MYO15A: variants seen among roughly 807,000 people sequenced by gnomAD.
MYO15A encodes unconventional myosin-XV.
In MYO15A, 308 loss-of-function variants were observed where a neutral mutation model predicts 394.6. That is an observed-to-expected ratio of 0.78 (90% confidence interval 0.71 to 0.86). The LOEUF (loss-of-function observed/expected upper bound fraction) is 0.86. Ranked by LOEUF, MYO15A falls within the 40% of genes least tolerant of loss-of-function variation. The pLI is 0.00. For synonymous variants in MYO15A, 1,957 were observed against 2,003.8 expected, an observed-to-expected ratio of 0.98 and a Z score of 0.62; for missense variants, 4,606 against 4,799.1, an observed-to-expected ratio of 0.96 and a Z score of 1.19.
intron 52 of MYO15A, 101 bp from the exon 53 acceptor site, chr17:18,158,824 G>T: frequency 2.7e-6 from 4 of 1,456,386 alleles, no homozygotes; most frequent in Non-Finnish European, 3.9e-6. Flanking sequence ...CTGATCAGTG[G>T]TGGGTCAAGA....
At chr17:18,165,727 G>A (rs945424541) in intron 60 of MYO15A, among the ~76,000 whole-genome samples, 3 of 152,252 alleles carry the variant, frequency 2.0e-5, no homozygotes, top group Admixed American at 2.0e-4. Flanking sequence ...CACAGAAGCT[G>A]TGACTTACAG....
At chr17:18,140,107 C>T (rs965639367) in intron 19 of MYO15A, among the ~76,000 whole-genome samples, 1 of 152,216 alleles carries the variant, frequency 6.6e-6, no homozygotes, top group Non-Finnish European at 1.5e-5. Context: ...AGCTACACTA[C>T]GGCCAGCAGA....
At chr17:18,133,503 T>C in intron 12 of MYO15A, 117 bp downstream of exon 12, 1 of 1,347,756 alleles carries the variant, frequency 7.4e-7, no homozygotes, top group Non-Finnish European at 9.9e-7. Flanking sequence ...TTGTTCCTGT[T>C]TTTTTCTTTT....
rs1458546718 is a variant in MYO15A at position 18,136,599 on chromosome 17, C to A, written c.4692C>A (p.Phe1564Leu). 2.5e-6 allele frequency: 4 copies of A among 1,614,014 alleles called. No homozygotes were observed. The highest frequency in any genetic ancestry group is 3.4e-6 in the Non-Finnish European group (4 of 1,180,036). The change falls in exon 15 of 66, where the codon TTC (phenylalanine) becomes TTA (leucine). Residue 1564 changes from phenylalanine (F) to leucine (L), a missense_variant. Phe to Leu is a conservative substitution (Grantham distance 22). Transcript: ENST00000647165. Reference protein sequence around the residue: ...AIAKVLYALLFSWLITRVNAL... With the variant: ...AIAKVLYALLLSWLITRVNAL... The stretch of plus-strand genomic sequence containing the variant: ...CCAAGGTCTTGTATGCACTGCTGTT[C>A]AGCTGGCTCATCACCAGGGTCAACG...
In MYO15A at chr17:18,121,140, G is replaced by A. The variant is rs1475216899; in HGVS notation, c.2340G>A (p.Leu780=). ...CGCTGGCCTCGCCCCAGCCCTCGCT[G>A]AGGAGCTCGCCGGGCCTCGGCTACT... ...WSPLASPQPS[L]RSSPGLGYCS... is the part of the protein sequence containing the mutation. Residue 780 remains leucine, a synonymous_variant, in exon 2 of 66, where the codon CTG becomes CTA. Coordinates refer to ENST00000647165, the MANE Select transcript of MYO15A (RefSeq NM_016239.4). The surrounding 1 kb of genome is among the most constrained non-coding windows in gnomAD (Gnocchi z 5.3). The A allele has an allele frequency of 2.0e-6, 3 of 1,510,668 alleles. No homozygotes were observed. In the African/African-American group the frequency reaches 4.3e-5, roughly 22 times the overall value. 93.6% of individuals were successfully genotyped at this position (1,510,668 alleles called of 1,614,324 possible). A position where few individuals can be genotyped will look rare whatever the true frequency, so the allele number is the denominator to read the frequency against.
chr17:18,134,364 A>T (rs924326485), intron 12 of MYO15A, among the ~76,000 whole-genome samples: 1 of 152,200 alleles, frequency 6.6e-6, no homozygotes, highest in African/African-American at 2.4e-5. Flanking sequence ...AGTACATTTA[A>T]ATTTTATATT....
chr17:18,176,603 C>T (rs2047018342), intron 65 of MYO15A: 1 of 128,504 alleles, frequency 7.8e-6, no homozygotes, highest in African/African-American at 3.0e-5. Flanking sequence ...CTGGAGTAAT[C>T]TCGGCTCACT....
At chr17:18,170,384 A>T (rs2046923125) in intron 62 of MYO15A, among the ~76,000 whole-genome samples, 1 of 151,110 alleles carries the variant, frequency 6.6e-6, no homozygotes, top group Non-Finnish European at 1.5e-5. Flanking sequence ...TTTGAGACAG[A>T]GTCTCTCTCT....
At position 18,150,822 on chromosome 17, in the gene MYO15A, C is replaced by A; in HGVS notation, c.7396-14C>A. On this transcript the variant is annotated splice_polypyrimidine_tract_variant and intron_variant, in intron 37 of 65. Coordinates refer to ENST00000647165, the MANE Select transcript of MYO15A (RefSeq NM_016239.4). The surrounding 1 kb of genome is among the most constrained non-coding windows in gnomAD (Gnocchi z 4.4). ...GAATGGACCTGCCTGGTCACCACTG[C>A]CACCTCTCCCCAGGCCCGGGAGATG... 6.3e-7 allele frequency: 1 copy of A among 1,589,606 alleles called. No individual in the cohort carries two copies. The highest frequency in any genetic ancestry group is 1.1e-5 in the South Asian group (1 of 87,778).
intron 56 of MYO15A, 106 bp from the exon 57 acceptor site, chr17:18,161,211 A>G: frequency 6.9e-7 from 1 of 1,444,772 alleles, no homozygotes; most frequent in Non-Finnish European, 9.5e-7. Context: ...CTCAGGGGAC[A>G]GGAGCTGCCT....
intron 56 of MYO15A, chr17:18,160,841 G>A (rs2046763627): frequency 3.0e-6 from 1 of 338,062 alleles, no homozygotes; most frequent in Admixed American, 4.0e-5. Context: ...ATGTGTGCAT[G>A]CTCTTGTTAC....
At position 18,149,475 on chromosome 17, in the gene MYO15A, T is replaced by C; in HGVS notation, c.7118-11T>C. On this transcript the variant is annotated splice_polypyrimidine_tract_variant and intron_variant, in intron 34 of 65. Coordinates refer to ENST00000647165, the MANE Select transcript of MYO15A (RefSeq NM_016239.4). ...AAAAAGAACTTGACATTTTTGTGCC[T>C]TCCCCTCCAGAGTCAGACAGTCTTG... The C allele has an allele frequency of 6.2e-7, 1 of 1,614,168 alleles. No individual in the cohort carries two copies. Among genetic ancestry groups the C allele is most frequent in the Non-Finnish European group, 8.5e-7 (1 of 1,180,008 alleles).
intron 40 of MYO15A, 40 bp from the exon 41 acceptor site, chr17:18,151,806 G>C: frequency 6.6e-7 from 1 of 1,525,412 alleles, no homozygotes; most frequent in East Asian, 2.4e-5. Flanking sequence ...GGGAAAGGGA[G>C]ACTCAGTGTC....
At position 18,159,318 on chromosome 17, in the gene MYO15A, T is replaced by G. The variant is rs1388818424; in HGVS notation, c.9200T>G (p.Leu3067Arg). ...CTCATCGAACTCAGCGACAGCAGCC[T>G]CAGCAAGATGGCCACCGACATGTTC... ...ESLIELSDSS[L>R]SKMATDMFLA... The change falls in exon 54 of 66, where the codon CTC becomes CGC. Residue 3067 changes from leucine to arginine, a missense_variant. Physicochemically the swap from Leu to Arg is moderately radical, Grantham distance 102 (BLOSUM62 -2). This residue lies in a region of MYO15A where 2,776 missense variants were observed against 3,109.3 expected (regional missense o/e 0.89). Coordinates refer to ENST00000647165, the MANE Select transcript of MYO15A (RefSeq NM_016239.4). 2 of 1,614,006 alleles carry G rather than the reference T, an allele frequency of 1.2e-6. No homozygotes were observed. The highest frequency in any genetic ancestry group is 1.7e-6 in the Non-Finnish European group (2 of 1,180,024).
At position 18,141,754 on chromosome 17, in the gene MYO15A, G is replaced by A. The variant is rs201285191; in HGVS notation, c.5633G>A (p.Arg1878His). ...TGCAAAGTCATGCCAAACATGTACC[G>A]TGTTGGGGTCAGCAAGGTGAGTCCT... is the stretch of plus-strand genomic sequence containing the variant. The part of the protein sequence containing the change: ...RLCKVMPNMY[R>H]VGVSKLFLKE... The change falls in exon 23 of 66, where the codon CGT (arginine) becomes CAT (histidine). Residue 1878 changes from arginine (R) to histidine (H), a missense_variant. Arg to His is a conservative substitution (Grantham distance 29). Coordinates refer to ENST00000647165, the MANE Select transcript of MYO15A (RefSeq NM_016239.4). 1.5e-5 allele frequency: 25 copies of A among 1,613,946 alleles called. No homozygotes were observed. The highest frequency in any genetic ancestry group is 4.5e-5 in the East Asian group (2 of 44,892).
chr17:18,117,517 T>A lies in MYO15A; in HGVS notation c.-219-1065T>A, dbSNP rs1156742736. On this transcript the variant is annotated intron_variant, in intron 1 of 65. Transcript: ENST00000647165. The surrounding 1 kb of genome is among the most constrained non-coding windows in gnomAD (Gnocchi z 4.1). Reference sequence around the variant, plus strand: ...AGAATTAGCTCTGGGACCAAAAGAGTGAACCAGAGTTCAGTGAGTTGAGGT... The same window carrying A: ...AGAATTAGCTCTGGGACCAAAAGAGAGAACCAGAGTTCAGTGAGTTGAGGT... Among the ~76,000 whole-genome samples the A allele has an allele frequency of 6.6e-6, 1 of 152,030 alleles. No individual in the cohort carries two copies. The highest frequency in any genetic ancestry group is 1.5e-5 in the Non-Finnish European group (1 of 67,996).
chr17:18,135,651 T>C (rs998030043), intron 12 of MYO15A, 60 bp from the exon 13 acceptor site: 1 of 1,532,454 alleles, frequency 6.5e-7, no homozygotes. Flanking sequence ...CTGTTTTTCA[T>C]ATGAACTTTA....
intron 42 of MYO15A, among the ~76,000 whole-genome samples, chr17:18,152,554 C>A (rs190904514): frequency 4.6e-5 from 7 of 152,316 alleles, no homozygotes; most frequent in African/African-American, 9.6e-5. Flanking sequence ...AACCTCTACA[C>A]CCTTTGTCTC....
Position 18,125,151 on chromosome 17 carries a change from T to C in MYO15A, c.3693-17T>C. On this transcript the variant is annotated splice_polypyrimidine_tract_variant and intron_variant, in intron 3 of 65. Coordinates refer to ENST00000647165, the MANE Select transcript of MYO15A (RefSeq NM_016239.4). ...CAGCCCTGGGGGCACTGACGGCTTC[T>C]CTCTGTGTCCTTCTAGAGACCTCCA... 1 of 1,613,934 alleles carries C rather than the reference T, an allele frequency of 6.2e-7. No homozygotes were observed. Among genetic ancestry groups the C allele is most frequent in the Non-Finnish European group, 8.5e-7 (1 of 1,179,862 alleles).
Sources: allele counts gnomAD v4.1 joint callset (sites outside exome capture counted in the v4.1 genomes callset), GRCh38; gene constraint gnomAD v4.1.1; regional missense constraint gnomAD v4.1.1; non-coding constraint Gnocchi (gnomAD v3.1); transcripts MANE v1.5; gene names NCBI Gene and HGNC (gene_info 2026-07-23, HGNC 2026-07-21).